Variants in B3GAT2 observed in about 807,000 individuals in gnomAD.
The protein encoded by B3GAT2 is galactosylgalactosylxylosylprotein 3-beta-glucuronosyltransferase 2.
A neutral mutation model predicts 27.8 loss-of-function variants in B3GAT2; 26 were observed. The ratio of observed to expected loss-of-function variants is 0.93; its 90% CI spans 0.68 to 1.30. The LOEUF (loss-of-function observed/expected upper bound fraction) is 1.30, where lower values mean the gene tolerates loss of function less well. Ranked by LOEUF, B3GAT2 falls within the 50% of genes most tolerant of loss-of-function variation. The pLI, the probability that B3GAT2 is intolerant of heterozygous loss-of-function variation, is 0.00. For synonymous variants in B3GAT2, 218 were observed against 195.1 expected (o/e 1.12, Z -0.98); for missense variants, 458 against 459.0 (o/e 1.00, Z 0.02).
At chr6:70,863,732 C>A (rs770756072) in intron 2 of B3GAT2, among the ~76,000 whole-genome samples, 7 of 152,176 alleles carry the variant, frequency 4.6e-5, no homozygotes, top group Non-Finnish European at 8.8e-5. Context: ...TCAAAAGATA[C>A]TACAATATAT....
At chr6:70,871,990 A>G (rs560372798) in intron 2 of B3GAT2, among the ~76,000 whole-genome samples, 24 of 151,836 alleles carry the variant, frequency 1.6e-4, no homozygotes, top group African/African-American at 5.6e-4. Flanking sequence ...TAATTTCCAT[A>G]TATTTGTGAA....
intron 1 of B3GAT2, among the ~76,000 whole-genome samples, chr6:70,934,842 C>T (rs897399903): frequency 2.2e-4 from 34 of 152,142 alleles, no homozygotes; most frequent in African/African-American, 8.2e-4. Flanking sequence ...CAACAAAATG[C>T]TCCATCCATG....
At chr6:70,922,362 A>G (rs1042991545) in intron 1 of B3GAT2, among the ~76,000 whole-genome samples, 10 of 152,252 alleles carry the variant, frequency 6.6e-5, no homozygotes, top group African/African-American at 2.4e-4. Flanking sequence ...ATTGACAAAT[A>G]TAGAACACTG....
intron 1 of B3GAT2, among the ~76,000 whole-genome samples, chr6:70,938,352 C>T (rs1297594005): frequency 1.3e-5 from 2 of 148,248 alleles, no homozygotes; most frequent in Non-Finnish European, 3.0e-5. Context: ...AGATTCAATG[C>T]CATCCCCATC....
At chr6:70,906,721 T>C (rs1772608188) in intron 1 of B3GAT2, among the ~76,000 whole-genome samples, 1 of 152,150 alleles carries the variant, frequency 6.6e-6, no homozygotes, top group African/African-American at 2.4e-5. Flanking sequence ...AGAAATGAAA[T>C]ACAGTATTCT....
chr6:70,894,339 T>C, intron 1 of B3GAT2, 67 bp from the exon 2 acceptor site: 1 of 1,465,286 alleles, frequency 6.8e-7, no homozygotes, highest in Non-Finnish European at 9.2e-7. Flanking sequence ...ATGAATGTGA[T>C]CTATGTAGAA....
chr6:70,862,730 G>A (rs1245671838), intron 2 of B3GAT2, among the ~76,000 whole-genome samples: 2 of 152,174 alleles, frequency 1.3e-5, no homozygotes, highest in African/African-American at 2.4e-5. Context: ...AGCACTTTGG[G>A]AGGCCAAGGC....
chr6:70,919,154 A>G (rs1476275565), intron 1 of B3GAT2, among the ~76,000 whole-genome samples: 1 of 152,148 alleles, frequency 6.6e-6, no homozygotes, highest in African/African-American at 2.4e-5. Context: ...TTGATCTTCA[A>G]TCACTGATAT....
rs190635569 is a variant in B3GAT2, at chr6:70,928,759, C to A, written c.591+27080G>T. ...CACAGCTGAATTCTATCAGAGGTACCAGGAGGAGCTGGCAGGCAGGAGAAA... is the reference window on the plus strand; with the variant it reads ...CACAGCTGAATTCTATCAGAGGTACAAGGAGGAGCTGGCAGGCAGGAGAAA... On this transcript the variant is annotated intron_variant, in intron 1 of 3. Transcript: ENST00000230053. Among the ~76,000 whole-genome samples, 41 of 152,086 alleles carry A rather than the reference C, an allele frequency of 2.7e-4. No individual in the cohort carries two copies. In the East Asian group the frequency reaches 7.4e-3, roughly 27 times the overall value.
intron 1 of B3GAT2, among the ~76,000 whole-genome samples, chr6:70,906,646 A>G (rs1244967392): frequency 6.6e-6 from 1 of 152,190 alleles, no homozygotes; most frequent in Admixed American, 6.5e-5. Context: ...CCTTATAGCA[A>G]GTTTTGAGAA....
At chr6:70,886,862 G>A (rs2150028581) in intron 2 of B3GAT2, among the ~76,000 whole-genome samples, 1 of 152,232 alleles carries the variant, frequency 6.6e-6, no homozygotes, top group Admixed American at 6.5e-5. Flanking sequence ...CCAACACTCT[G>A]CCACCTGTCC....
At chr6:70,951,922 C>A (rs1268105732) in intron 1 of B3GAT2, among the ~76,000 whole-genome samples, 1 of 151,962 alleles carries the variant, frequency 6.6e-6, no homozygotes, top group Non-Finnish European at 1.5e-5. Flanking sequence ...AAAAGAATTA[C>A]CCTAAATAAA....
At position 70,860,227 on chromosome 6, in the gene B3GAT2, A is replaced by C. The variant is rs1344953902; in HGVS notation, c.*1436T>G. The C allele has an allele frequency of 6.2e-7, 1 of 1,612,850 alleles. No homozygotes were observed. On this transcript the variant is annotated 3_prime_UTR_variant, in exon 4 of 4. Coordinates refer to ENST00000230053, the MANE Select transcript of B3GAT2 (RefSeq NM_080742.3). ...GAATCAGCAGATGGCTGGCATGAGT[A>C]TCAGTAGTGCAACCCCTACTGCAGG...
At chr6:70,883,877 C>T (rs1772136879) in intron 2 of B3GAT2, among the ~76,000 whole-genome samples, 1 of 151,908 alleles carries the variant, frequency 6.6e-6, no homozygotes, top group Non-Finnish European at 1.5e-5. Context: ...CTTGCTTGAG[C>T]AATGGAAGAC....
intron 1 of B3GAT2, among the ~76,000 whole-genome samples, chr6:70,944,027 T>A (rs1197839882): frequency 6.6e-6 from 1 of 152,222 alleles, no homozygotes; most frequent in Non-Finnish European, 1.5e-5. Context: ...AATTCCACAA[T>A]GTATCCCTAT....
At chr6:70,948,066 T>C (rs1324080192) in intron 1 of B3GAT2, among the ~76,000 whole-genome samples, 5 of 151,698 alleles carry the variant, frequency 3.3e-5, no homozygotes, top group African/African-American at 1.2e-4. Flanking sequence ...AATTAGGTAT[T>C]GATGGGACGT....
chr6:70,899,552 T>C (rs562589355), intron 1 of B3GAT2, among the ~76,000 whole-genome samples: 7 of 152,142 alleles, frequency 4.6e-5, no homozygotes, highest in Non-Finnish European at 1.0e-4. Context: ...GTATGCTACA[T>C]TTTAAAAAGT....
At chr6:70,874,393 G>T (rs1392727115) in intron 2 of B3GAT2, among the ~76,000 whole-genome samples, 1 of 152,156 alleles carries the variant, frequency 6.6e-6, no homozygotes, top group Non-Finnish European at 1.5e-5. Flanking sequence ...AAGATGCTCT[G>T]TGTCCATTTG....
chr6:70,948,252 G>A (rs9455270), intron 1 of B3GAT2, among the ~76,000 whole-genome samples: 1 of 144,602 alleles, frequency 6.9e-6, no homozygotes, highest in Non-Finnish European at 1.5e-5. Context: ...AGGAGAAGGA[G>A]ATAAAGGGTA....
Sources: allele counts gnomAD v4.1 joint callset (sites outside exome capture counted in the v4.1 genomes callset), GRCh38; gene constraint gnomAD v4.1.1; transcripts MANE v1.5; gene names NCBI Gene and HGNC (gene_info 2026-07-23, HGNC 2026-07-21).